Variants in NDRG3 observed in about 807,000 individuals in gnomAD.
NDRG3 encodes protein NDRG3.
Under a neutral mutation model 57.2 loss-of-function variants are expected in NDRG3, and 23 were observed. That is an observed-to-expected ratio of 0.40 (90% confidence interval 0.29 to 0.57). The LOEUF is 0.57. NDRG3 is among the 20% of genes least tolerant of loss of function. NDRG3 has a pLI of 0.42. For missense variants in NDRG3, 384 were observed against 457.3 expected (o/e 0.84, Z 1.46); for synonymous variants, 132 against 162.6 (o/e 0.81, Z 1.43).
In NDRG3 at chr20:36,656,385, CTTG is replaced by C; in HGVS notation, c.918_920del (p.Phe306_Lys307delinsLeu). On this transcript the variant is annotated inframe_deletion, in exon 15 of 16. Transcript: ENST00000349004. Reference sequence around the variant, plus strand: ...TGTAGCCCATTCCCTGCAAAAAGTACTTGAAGGCCTCGGTGAGCTTCCCAGGCT... The same window carrying C: ...TGTAGCCCATTCCCTGCAAAAAGTACAAGGCCTCGGTGAGCTTCCCAGGCT... The C allele has an allele frequency of 1.2e-6, 2 of 1,614,140 alleles. No individual in the cohort carries two copies. Among genetic ancestry groups the C allele is most frequent in the Non-Finnish European group, 1.7e-6 (2 of 1,180,030 alleles).
chr20:36,701,794 T>A (rs987646562), intron 3 of NDRG3, among the ~76,000 whole-genome samples: 1 of 150,280 alleles, frequency 6.7e-6, no homozygotes, highest in African/African-American at 2.5e-5. Flanking sequence ...GTGATCCACC[T>A]GCCTCGGCCT....
chr20:36,688,611 G>A, intron 4 of NDRG3, 68 bp downstream of exon 4: 2 of 1,154,486 alleles, frequency 1.7e-6, no homozygotes, highest in Non-Finnish European at 2.6e-6. Context: ...GAATATTGTT[G>A]TTGTTTGGTT....
At chr20:36,660,571 T>TATTTATTTA (rs200812340) in intron 12 of NDRG3, among the ~76,000 whole-genome samples, 187 bp from the exon 13 acceptor site, 22 of 149,798 alleles carry the variant, frequency 1.5e-4, no homozygotes, top group African/African-American at 4.7e-4. Context: ...TTTATTTATT[T>TATTTATTTA]TTTTTTTGAG....
intron 1 of NDRG3, among the ~76,000 whole-genome samples, chr20:36,730,026 C>T (rs1238616973): frequency 6.6e-6 from 1 of 151,684 alleles, no homozygotes; most frequent in African/African-American, 2.4e-5. Flanking sequence ...GCGGGCAGAT[C>T]ACCTGAGGTC....
intron 3 of NDRG3, among the ~76,000 whole-genome samples, chr20:36,698,338 C>T (rs1352095837): frequency 6.6e-6 from 1 of 151,742 alleles, no homozygotes; most frequent in Non-Finnish European, 1.5e-5. Context: ...GCCTGTAATC[C>T]CAGCACTTTG....
intron 6 of NDRG3, 131 bp from the exon 7 acceptor site, chr20:36,682,709 G>T: frequency 1.4e-6 from 1 of 724,018 alleles, no homozygotes; most frequent in Non-Finnish European, 2.3e-6. Context: ...TTGGGCAAGT[G>T]TTTTTTTTCT....
chr20:36,671,451 A>C (rs1980152425), intron 8 of NDRG3, 54 bp from the exon 9 acceptor site: 1 of 1,361,084 alleles, frequency 7.3e-7, no homozygotes, highest in South Asian at 1.2e-5. Context: ...AAAATTTATC[A>C]AGCTGCCCAA....
intron 5 of NDRG3, 35 bp downstream of exon 5, chr20:36,687,457 T>C: frequency 6.2e-7 from 1 of 1,607,390 alleles, no homozygotes; most frequent in Non-Finnish European, 8.5e-7. Flanking sequence ...CTCTACTGAG[T>C]GCACGTCTCC....
intron 3 of NDRG3, among the ~76,000 whole-genome samples, chr20:36,697,710 A>G (rs1406141525): frequency 6.8e-6 from 1 of 147,054 alleles, no homozygotes; most frequent in Admixed American, 6.8e-5. Flanking sequence ...CTCTGTCTCA[A>G]AAAAAAAAAA....
intron 3 of NDRG3, among the ~76,000 whole-genome samples, chr20:36,703,352 C>A (rs995476027): frequency 4.0e-5 from 6 of 151,816 alleles, no homozygotes; most frequent in Non-Finnish European, 8.8e-5. Flanking sequence ...TACCCACACA[C>A]ACATATATAT....
At chr20:36,674,886 ATTTTTTTT>A (rs34146274) in intron 8 of NDRG3, among the ~76,000 whole-genome samples, 400 of 39,710 alleles carry the variant, frequency 0.01, 2 homozygotes, top group South Asian at 0.05. Flanking sequence ...GCCCAGCCAG[ATTTTTTTT>A]TTTTTTTTTT....
chr20:36,674,693 G>A (rs1263837261), intron 8 of NDRG3, among the ~76,000 whole-genome samples: 2 of 150,534 alleles, frequency 1.3e-5, no homozygotes, highest in Non-Finnish European at 2.9e-5. Context: ...GAACACCTGG[G>A]CTCAAGCAAG....
chr20:36,688,129 A>G (rs1042205013), intron 4 of NDRG3, among the ~76,000 whole-genome samples: 2 of 152,260 alleles, frequency 1.3e-5, no homozygotes, highest in Admixed American at 1.3e-4. Context: ...GGCAGCTACA[A>G]AAGCTTTAAC....
chr20:36,718,209 T>C lies in NDRG3; in HGVS notation c.57+3470A>G, dbSNP rs576708496. Among the ~76,000 whole-genome samples the C allele has an allele frequency of 6.6e-5, 10 of 152,316 alleles. No homozygotes were observed. The South Asian group carries it at 1.9e-3, about 28-fold the overall frequency. The stretch of plus-strand genomic sequence containing the variant: ...CTGCGCAAAGACAGAAGCATTCACA[T>C]ACTGGGGAGGGGGAGAGGGAGGCTA... On this transcript the variant is annotated intron_variant, in intron 2 of 15. Coordinates refer to ENST00000349004, the MANE Select transcript of NDRG3 (RefSeq NM_032013.4).
intron 1 of NDRG3, among the ~76,000 whole-genome samples, chr20:36,730,937 C>CGA (rs1555807365): frequency 8.0e-6 from 1 of 125,066 alleles, no homozygotes; most frequent in Non-Finnish European, 1.6e-5. Context: ...GATGCTGTCT[C>CGA]GAAAAAAAAA....
At position 36,652,763 on chromosome 20, in the gene NDRG3, T is replaced by C. The variant is rs1479571771; in HGVS notation, c.*757A>G. The C allele has an allele frequency of 1.2e-4, 19 of 152,214 alleles. No individual in the cohort carries two copies. Among genetic ancestry groups the C allele is most frequent in the Admixed American group, 1.1e-3 (17 of 15,282 alleles). The allele number at this position is 152,214 out of a possible 1,614,324, so 9.4% of individuals were successfully genotyped here. On this transcript the variant is annotated 3_prime_UTR_variant, in exon 16 of 16. Coordinates refer to ENST00000349004, the MANE Select transcript of NDRG3 (RefSeq NM_032013.4). ...AAGAGAGTCCAGTAATTAAACCACA[T>C]TCACTCCTTGGAAAAAACTCTATGT... is the stretch of plus-strand genomic sequence containing the variant.
intron 7 of NDRG3, among the ~76,000 whole-genome samples, chr20:36,681,657 T>G (rs1157984366): frequency 1.3e-5 from 2 of 150,114 alleles, no homozygotes; most frequent in Non-Finnish European, 2.9e-5. Flanking sequence ...AAAAAAAAAT[T>G]TATAATAGGA....
At chr20:36,672,772 T>C (rs1980286227) in intron 8 of NDRG3, among the ~76,000 whole-genome samples, 2 of 150,010 alleles carry the variant, frequency 1.3e-5, no homozygotes, top group South Asian at 4.2e-4. Context: ...GAGGTTGCAG[T>C]GAGCCGAGAT....
At chr20:36,701,084 C>T (rs2148157789) in intron 3 of NDRG3, among the ~76,000 whole-genome samples, 1 of 152,278 alleles carries the variant, frequency 6.6e-6, no homozygotes, top group South Asian at 2.1e-4. Flanking sequence ...TCTCCCAGTA[C>T]TTACTGATTA....
Sources: gnomAD v4.1 joint callset for allele counts (sites outside exome capture counted in the v4.1 genomes callset) on GRCh38, gnomAD v4.1.1 for gene constraint, MANE v1.5 for transcripts, NCBI Gene and HGNC (gene_info 2026-07-23, HGNC 2026-07-21) for gene names.